The following RBM47 variants were observed in gnomAD, a reference collection of about 807,000 sequenced individuals.
The protein encoded by RBM47 is RNA-binding protein 47.
In RBM47, 21 loss-of-function variants were observed where a neutral mutation model predicts 47.1. The observed-to-expected ratio is 0.45, with a 90% CI of 0.32 to 0.64. RBM47 has a LOEUF of 0.64. Ranked by LOEUF, RBM47 falls within the 30% of genes least tolerant of loss-of-function variation. RBM47 has a pLI of 0.05. For synonymous variants in RBM47, 375 were observed against 361.7 expected, an observed-to-expected ratio of 1.04 and a Z score of -0.42; for missense variants, 708 against 870.9, an observed-to-expected ratio of 0.81 and a Z score of 2.35.
chr4:40,620,363 G>C (rs1259978630), intron 1 of RBM47, among the ~76,000 whole-genome samples: 1 of 151,726 alleles, frequency 6.6e-6, no homozygotes, highest in East Asian at 1.9e-4. Context: ...AAATTAGCCA[G>C]GCATGGTGGC....
intron 2 of RBM47, among the ~76,000 whole-genome samples, chr4:40,537,940 A>G (rs389073): frequency 0.017 from 2,576 of 151,526 alleles, 85 homozygotes; most frequent in African/African-American, 0.06. Flanking sequence ...CCTGGACTCA[A>G]GTGGTCCTCA....
intron 2 of RBM47, among the ~76,000 whole-genome samples, chr4:40,527,523 T>G (rs924667098): frequency 2.1e-5 from 3 of 142,460 alleles, no homozygotes; most frequent in African/African-American, 5.2e-5. Flanking sequence ...ACTCCTGACC[T>G]CAAGTCATCC....
intron 2 of RBM47, among the ~76,000 whole-genome samples, chr4:40,526,142 G>C (rs76867955): frequency 0.03 from 4,563 of 152,234 alleles, 251 homozygotes; most frequent in African/African-American, 0.1. Context: ...GGAGGACACA[G>C]CCAGAAACCG....
chr4:40,496,363 C>A (rs533422697), intron 2 of RBM47, among the ~76,000 whole-genome samples: 42 of 93,828 alleles, frequency 4.5e-4, no homozygotes, highest in African/African-American at 1.8e-3. Context: ...CACACACACA[C>A]AAAGAGAGAA....
intron 3 of RBM47, among the ~76,000 whole-genome samples, chr4:40,463,506 G>A (rs544842914): frequency 1.3e-5 from 2 of 152,258 alleles, no homozygotes; most frequent in South Asian, 4.1e-4. Flanking sequence ...AGTACCACAT[G>A]AGCCAGCAGC....
chr4:40,585,230 G>A (rs977529618), intron 1 of RBM47, among the ~76,000 whole-genome samples: 1 of 152,094 alleles, frequency 6.6e-6, no homozygotes, highest in African/African-American at 2.4e-5. Flanking sequence ...CAGAGTTGCT[G>A]CTATTTATTT....
In RBM47 at chr4:40,437,110, TA is replaced by T. The variant is rs1205167637; in HGVS notation, c.1124-464del. 7.4e-4 allele frequency among the ~76,000 whole-genome samples: 44 copies of T among 59,628 alleles called. 1 individual carries two copies. The highest frequency in any genetic ancestry group is 8.1e-3 in the Middle Eastern group (1 of 124). 39.1% of individuals were successfully genotyped at this position (59,628 alleles called of 152,430 possible). ...AAAAAAATATATATATATATATATA[TA>T]AAATACATATATATATATATAAAAT... On this transcript the variant is annotated intron_variant, in intron 4 of 6. Transcript: ENST00000295971.
intron 1 of RBM47, among the ~76,000 whole-genome samples, chr4:40,604,442 T>C (rs956222820): frequency 5.3e-5 from 8 of 151,950 alleles, no homozygotes; most frequent in East Asian, 3.9e-4. Context: ...CTGGGCAACA[T>C]AGCAAAACTC....
chr4:40,455,823 T>C (rs1215395716), intron 3 of RBM47, among the ~76,000 whole-genome samples: 2 of 152,238 alleles, frequency 1.3e-5, no homozygotes, highest in African/African-American at 4.8e-5. Context: ...CCCTTTGTTA[T>C]TATTTCAGAT....
chr4:40,524,630 C>T (rs536167140), intron 2 of RBM47, among the ~76,000 whole-genome samples: 2 of 152,296 alleles, frequency 1.3e-5, no homozygotes, highest in South Asian at 4.1e-4. Flanking sequence ...CTAGGCATGA[C>T]AACAGCATAG....
chr4:40,604,297 G>T (rs1329363715), intron 1 of RBM47, among the ~76,000 whole-genome samples: 1 of 152,176 alleles, frequency 6.6e-6, no homozygotes, highest in East Asian at 1.9e-4. Flanking sequence ...TGGATGGAAA[G>T]GAGGAAAGAC....
intron 3 of RBM47, among the ~76,000 whole-genome samples, chr4:40,461,464 T>G (rs1046868649): frequency 1.3e-5 from 2 of 152,188 alleles, no homozygotes; most frequent in Non-Finnish European, 2.9e-5. Flanking sequence ...ATCAGAAAAT[T>G]TAATTGGCTT....
Position 40,432,782 on chromosome 4 carries a change from G to A in RBM47, c.1411C>T (p.His471Tyr). ...APKMIEDGKIHTVEHMISPIA... is the reference protein window; with the variant it reads ...APKMIEDGKIYTVEHMISPIA... ...GGGCTGATCATGTGCTCCACTGTGT[G>A]GATTTTGCCATCTTCAATCATTTTA... Residue 471 changes from histidine (H) to tyrosine (Y), a missense_variant, in exon 6 of 7, where the codon CAC (histidine) becomes TAC (tyrosine). His to Tyr is a moderately conservative substitution (Grantham distance 83, BLOSUM62 2). Transcript: ENST00000295971. 1 of 1,613,708 alleles carries A rather than the reference G, an allele frequency of 6.2e-7. No homozygotes were observed. Among genetic ancestry groups the A allele is most frequent in the Non-Finnish European group, 8.5e-7 (1 of 1,179,918 alleles).
At chr4:40,477,097 C>T (rs548673075) in intron 2 of RBM47, among the ~76,000 whole-genome samples, 1 of 152,078 alleles carries the variant, frequency 6.6e-6, no homozygotes, top group Non-Finnish European at 1.5e-5. Context: ...GCATGAGAAT[C>T]GCTAGAACCT....
chr4:40,449,893 C>T (rs1715145705), intron 3 of RBM47, among the ~76,000 whole-genome samples: 2 of 152,012 alleles, frequency 1.3e-5, no homozygotes, highest in African/African-American at 4.8e-5. Flanking sequence ...TGTTGGCCAG[C>T]CTGGTCTCGA....
intron 3 of RBM47, among the ~76,000 whole-genome samples, chr4:40,466,250 A>G (rs1717997035): frequency 6.8e-6 from 1 of 147,798 alleles, no homozygotes; most frequent in Non-Finnish European, 1.5e-5. Flanking sequence ...CCTGGGTAAC[A>G]GAGTGAGACT....
intron 1 of RBM47, among the ~76,000 whole-genome samples, chr4:40,561,227 C>CCTT (rs1730587605): frequency 8.8e-6 from 1 of 113,646 alleles, no homozygotes; most frequent in African/African-American, 3.4e-5. Context: ...TTTCCATTGT[C>CCTT]TTTTTTTTTT....
At chr4:40,494,394 T>A (rs1463953947) in intron 2 of RBM47, among the ~76,000 whole-genome samples, 2 of 152,194 alleles carry the variant, frequency 1.3e-5, no homozygotes, top group Admixed American at 1.3e-4. Flanking sequence ...CAAGAAATGA[T>A]AAAGTTTGTC....
At chr4:40,427,862 T>C (rs1715282408) in intron 6 of RBM47, among the ~76,000 whole-genome samples, 1 of 151,560 alleles carries the variant, frequency 6.6e-6, no homozygotes, top group South Asian at 2.1e-4. Flanking sequence ...TTTATAATAA[T>C]TTTAATTTAT....
Sources: gnomAD v4.1 joint callset for allele counts (sites outside exome capture counted in the v4.1 genomes callset) on GRCh38, gnomAD v4.1.1 for gene constraint, MANE v1.5 for transcripts, NCBI Gene and HGNC (gene_info 2026-07-23, HGNC 2026-07-21) for gene names.